Variants in FGFR1 observed in about 807,000 individuals in gnomAD.
The protein encoded by FGFR1 is fibroblast growth factor receptor 1, also known as FGFR1/PLAG1 fusion.
FGFR1 carries 18 observed loss-of-function variants against 93.7 expected under a neutral mutation model. That is an observed-to-expected ratio of 0.19 (90% CI 0.13 to 0.28). The LOEUF (loss-of-function observed/expected upper bound fraction) is 0.28, where lower values mean the gene tolerates loss of function less well. FGFR1 is among the 10% of genes least tolerant of loss of function. FGFR1 has a pLI of 1.00. For synonymous variants in FGFR1, 448 were observed against 429.3 expected (o/e 1.04, Z -0.54); for missense variants, 731 against 1,080.4 (o/e 0.68, Z 4.53).
chr8:38,468,357 G>A lies in FGFR1; in HGVS notation c.-465C>T, dbSNP rs1835975433. 1 of 228,404 alleles carries A rather than the reference G, an allele frequency of 4.4e-6. No individual in the cohort carries two copies. The highest frequency in any genetic ancestry group is 1.8e-4 in the South Asian group (1 of 5,504). 14.1% of individuals were successfully genotyped at this position (228,404 alleles called of 1,614,324 possible). On this transcript the variant is annotated 5_prime_UTR_variant, in exon 1 of 18. Transcript: ENST00000447712. ...CCGCGGCGTGCCCGACTGCAGCACGGGTACCGTGCGCCCTGCGGGGCGCCC... is the reference window on the plus strand; with the variant it reads ...CCGCGGCGTGCCCGACTGCAGCACGAGTACCGTGCGCCCTGCGGGGCGCCC...
At chr8:38,453,187 ACT>A in intron 2 of FGFR1, among the ~76,000 whole-genome samples, 1 of 152,298 alleles carries the variant, frequency 6.6e-6, no homozygotes, top group African/African-American at 2.4e-5. Flanking sequence ...CCACACTCAC[ACT>A]GAGACGGGGG....
intron 2 of FGFR1, among the ~76,000 whole-genome samples, chr8:38,441,671 A>C (rs527822451): frequency 6.6e-6 from 1 of 152,220 alleles, no homozygotes; most frequent in Non-Finnish European, 1.5e-5. Context: ...GCGGCTATGG[A>C]GGAGGGCCGT....
chr8:38,426,320 G>A lies in FGFR1; in HGVS notation c.622-75C>T, dbSNP rs992123645. The stretch of plus-strand genomic sequence containing the variant: ...GGCCCCATGACAATGTCGGCACCCC[G>A]TGGCACCTGCCCTCCATATCAGAGC... On this transcript the variant is annotated intron_variant, in intron 5 of 17. Coordinates refer to ENST00000447712, the MANE Select transcript of FGFR1 (RefSeq NM_023110.3). This position sits in a 1 kb window ranked among gnomAD's most constrained non-coding sequence, Gnocchi z 4.1. 54 of 1,598,194 alleles carry A rather than the reference G, an allele frequency of 3.4e-5. No homozygotes were observed. Among genetic ancestry groups the A allele is most frequent in the Non-Finnish European group, 4.4e-5 (52 of 1,172,900 alleles).
intron 2 of FGFR1, among the ~76,000 whole-genome samples, chr8:38,450,772 G>A (rs1830808402): frequency 6.6e-6 from 1 of 152,184 alleles, no homozygotes; most frequent in Non-Finnish European, 1.5e-5. Context: ...CCTCCTCCCT[G>A]ACTTCAGGGA....
rs761440222 is a variant in FGFR1 at position 38,418,299 on chromosome 8, C to G, written c.1359G>C (p.Gly453=). The change falls in exon 10 of 18, where the codon GGG becomes GGC. Residue 453 remains glycine (G), a synonymous_variant. Coordinates refer to ENST00000447712, the MANE Select transcript of FGFR1 (RefSeq NM_023110.3). ...LVRPSRLSSS[G]TPMLAGVSEY... Reference sequence around the variant, plus strand: ...CAGAGACCCCTGCTAGCATGGGAGTCCCACTGGAGGAGAGCCGTGATGGCC... The same window carrying G: ...CAGAGACCCCTGCTAGCATGGGAGTGCCACTGGAGGAGAGCCGTGATGGCC... The G allele has an allele frequency of 1.2e-6, 2 of 1,614,194 alleles. No individual in the cohort carries two copies. The highest frequency in any genetic ancestry group is 3.3e-5 in the Admixed American group (2 of 60,024).
Position 38,429,571 on chromosome 8 carries a change from G to C in FGFR1, c.358+111C>G. 8.4e-7 allele frequency: 1 copy of C among 1,189,722 alleles called. No individual in the cohort carries two copies. The highest frequency in any genetic ancestry group is 1.2e-6 in the Non-Finnish European group (1 of 835,576). The allele number at this position is 1,189,722 out of a possible 1,614,324, so 73.7% of individuals were successfully genotyped here. A position where few individuals can be genotyped will look rare whatever the true frequency, so the allele number is the denominator to read the frequency against. On this transcript the variant is annotated intron_variant, in intron 3 of 17. Transcript: ENST00000447712. The surrounding 1 kb of genome is among the most constrained non-coding windows in gnomAD (Gnocchi z 4.4). The stretch of plus-strand genomic sequence containing the variant: ...TTAGTGGGCAGCAGTTTCTGAAGCA[G>C]AGTGGGGGCAGATCACGGAGGGGGA...
intron 2 of FGFR1, among the ~76,000 whole-genome samples, chr8:38,449,282 G>A (rs564968447): frequency 2.0e-5 from 3 of 152,034 alleles, no homozygotes; most frequent in African/African-American, 7.2e-5. Context: ...AAAAGGACAG[G>A]AACAGATATT....
rs1239938274 is a variant in FGFR1, at chr8:38,468,380, C to G, written c.-488G>C. 1 of 228,300 alleles carries G rather than the reference C, an allele frequency of 4.4e-6. No homozygotes were observed. The highest frequency in any genetic ancestry group is 8.7e-6 in the Non-Finnish European group (1 of 114,732). 14.1% of individuals were successfully genotyped at this position (228,300 alleles called of 1,614,324 possible). A position where few individuals can be genotyped will look rare whatever the true frequency, so the allele number is the denominator to read the frequency against. ...CGGGTACCGTGCGCCCTGCGGGGCG[C>G]CCCGAGCTCGGACCGGAGAAAAGTC... On this transcript the variant is annotated 5_prime_UTR_variant, in exon 1 of 18. Coordinates refer to ENST00000447712, the MANE Select transcript of FGFR1 (RefSeq NM_023110.3).
Position 38,418,384 on chromosome 8 carries a change from G to C in FGFR1, c.1285-11C>G. 6.2e-7 allele frequency: 1 copy of C among 1,613,098 alleles called. No individual in the cohort carries two copies. The highest frequency in any genetic ancestry group is 8.5e-7 in the Non-Finnish European group (1 of 1,179,466). ...GGAGTCAGCAGACACCTGCAAGGAAGAGTGGGGTCACCCTAGAGCAAGGAG... is the reference window on the plus strand; with the variant it reads ...GGAGTCAGCAGACACCTGCAAGGAACAGTGGGGTCACCCTAGAGCAAGGAG... On this transcript the variant is annotated splice_polypyrimidine_tract_variant and intron_variant, in intron 9 of 17. Coordinates refer to ENST00000447712, the MANE Select transcript of FGFR1 (RefSeq NM_023110.3).
intron 2 of FGFR1, among the ~76,000 whole-genome samples, chr8:38,439,181 G>A (rs1454796581): frequency 6.6e-6 from 1 of 152,170 alleles, no homozygotes; most frequent in African/African-American, 2.4e-5. Flanking sequence ...ACAGGGACAA[G>A]CTCTAGAGGC....
chr8:38,427,578 C>A (rs2150901756), intron 5 of FGFR1, among the ~76,000 whole-genome samples: 1 of 152,238 alleles, frequency 6.6e-6, no homozygotes, highest in African/African-American at 2.4e-5. Flanking sequence ...CCATGCCCAG[C>A]CAAATTATGG....
chr8:38,444,556 A>ATTTTT (rs562700623), intron 2 of FGFR1, among the ~76,000 whole-genome samples: 4 of 129,204 alleles, frequency 3.1e-5, no homozygotes, highest in Admixed American at 8.3e-5. Flanking sequence ...GCGTGGCTAA[A>ATTTTT]TTTTTTTTTT....
At chr8:38,437,984 T>C (rs1826007794) in intron 2 of FGFR1, among the ~76,000 whole-genome samples, 1 of 152,234 alleles carries the variant, frequency 6.6e-6, no homozygotes, top group Non-Finnish European at 1.5e-5. Flanking sequence ...ATTTACCATG[T>C]GCCTTCCCAT....
intron 10 of FGFR1, 108 bp downstream of exon 10, chr8:38,418,120 C>T: frequency 6.2e-7 from 1 of 1,605,604 alleles, no homozygotes; most frequent in South Asian, 1.1e-5. Flanking sequence ...TTTCTGCAGG[C>T]ATTTCATGAA....
intron 2 of FGFR1, among the ~76,000 whole-genome samples, chr8:38,436,599 T>A (rs1825519098): frequency 6.6e-6 from 1 of 151,902 alleles, no homozygotes; most frequent in Non-Finnish European, 1.5e-5. Context: ...CAGTGCTCCT[T>A]TTAGTGCGAG....
chr8:38,427,096 G>C (rs539611727), intron 5 of FGFR1, among the ~76,000 whole-genome samples: 3 of 143,578 alleles, frequency 2.1e-5, no homozygotes, highest in Non-Finnish European at 4.5e-5. Flanking sequence ...GACAGAGTGA[G>C]ACTCCGTCTA....
chr8:38,441,082 C>A (rs1422477322), intron 2 of FGFR1, among the ~76,000 whole-genome samples: 2 of 141,898 alleles, frequency 1.4e-5, no homozygotes, highest in African/African-American at 2.5e-5. Flanking sequence ...AAAAACAGAT[C>A]CCCCCGAGCT....
chr8:38,468,247 C>T lies in FGFR1; in HGVS notation c.-355G>A, dbSNP rs1835957463. On this transcript the variant is annotated 5_prime_UTR_variant, in exon 1 of 18. Coordinates refer to ENST00000447712, the MANE Select transcript of FGFR1 (RefSeq NM_023110.3). ...CGTCCGCCACCCGGGGTCTCCAGAC[C>T]TTGTGCCCCCCTCCTCCAGAACGCA... is the stretch of plus-strand genomic sequence containing the variant. 1 of 228,582 alleles carries T rather than the reference C, an allele frequency of 4.4e-6. No individual in the cohort carries two copies. The highest frequency in any genetic ancestry group is 5.7e-5 in the Admixed American group (1 of 17,584). 14.2% of individuals were successfully genotyped at this position (228,582 alleles called of 1,614,324 possible).
chr8:38,431,206 G>T (rs996119395), intron 2 of FGFR1, among the ~76,000 whole-genome samples: 7 of 152,150 alleles, frequency 4.6e-5, no homozygotes, highest in Admixed American at 3.9e-4. Flanking sequence ...AGTGGCCACA[G>T]GGCCCCTGAT....
Sources: gnomAD v4.1 joint callset for allele counts (sites outside exome capture counted in the v4.1 genomes callset) on GRCh38, gnomAD v4.1.1 for gene constraint, Gnocchi (gnomAD v3.1) non-coding constraint, MANE v1.5 for transcripts, NCBI Gene and HGNC (gene_info 2026-07-23, HGNC 2026-07-21) for gene names.